Variants in SGCZ observed in about 807,000 individuals in gnomAD.
SGCZ encodes zeta-sarcoglycan.
Under a neutral mutation model 41.3 loss-of-function variants are expected in SGCZ, and 40 were observed. The observed-to-expected ratio is 0.97, with a 90% CI of 0.75 to 1.26. The LOEUF is 1.26. SGCZ is among the 50% of genes most tolerant of loss of function. The pLI, the probability that SGCZ is intolerant of heterozygous loss-of-function variation, is 0.00. For missense variants in SGCZ, 552 were observed against 369.8 expected, an observed-to-expected ratio of 1.49 and a Z score of -4.04; for synonymous variants, 206 against 137.5, an observed-to-expected ratio of 1.50 and a Z score of -3.49.
At chr8:15,067,253 C>T (rs1805187036) in intron 1 of SGCZ, among the ~76,000 whole-genome samples, 1 of 152,122 alleles carries the variant, frequency 6.6e-6, no homozygotes, top group African/African-American at 2.4e-5. Context: ...CACACTACAC[C>T]CACCCTGCAC....
intron 1 of SGCZ, among the ~76,000 whole-genome samples, chr8:15,063,985 T>C (rs17608964): frequency 0.085 from 12,909 of 152,182 alleles, 752 homozygotes; most frequent in East Asian, 0.29. Flanking sequence ...TCCGATATTT[T>C]ATTCTGGTAT....
intron 5 of SGCZ, among the ~76,000 whole-genome samples, chr8:14,152,543 A>C (rs113809039): frequency 0.016 from 2,398 of 152,304 alleles, 62 homozygotes; most frequent in African/African-American, 0.055. Context: ...TCATATGACA[A>C]CACCAGACTG....
chr8:14,629,776 A>G (rs1016821279), intron 1 of SGCZ, among the ~76,000 whole-genome samples: 2 of 152,150 alleles, frequency 1.3e-5, no homozygotes, highest in Non-Finnish European at 2.9e-5. Context: ...AACAATCTGG[A>G]AAATCATGTT....
intron 1 of SGCZ, among the ~76,000 whole-genome samples, chr8:15,103,650 T>C (rs1302143640): frequency 1.3e-5 from 2 of 152,014 alleles, no homozygotes; most frequent in South Asian, 2.1e-4. Flanking sequence ...GGACACAATC[T>C]TCATACTCAA....
At chr8:14,170,445 G>A (rs189634020) in intron 4 of SGCZ, among the ~76,000 whole-genome samples, 61 of 152,006 alleles carry the variant, frequency 4.0e-4, no homozygotes, top group Non-Finnish European at 1.5e-5. Context: ...AAGGAATTGT[G>A]TGACTACCTA....
intron 2 of SGCZ, among the ~76,000 whole-genome samples, chr8:14,518,787 A>G (rs539473479): frequency 6.6e-6 from 1 of 151,734 alleles, no homozygotes; most frequent in East Asian, 1.9e-4. Flanking sequence ...AGTCAGAGAA[A>G]CAGATAATAT....
At position 15,004,086 on chromosome 8, in the gene SGCZ, G is replaced by C. The variant is rs181583156; in HGVS notation, c.39+233499C>G. On this transcript the variant is annotated intron_variant, in intron 1 of 7. Coordinates refer to ENST00000382080, the MANE Select transcript of SGCZ (RefSeq NM_139167.4). ...TGCTACATGTGAACAGAGAGGAGGA[G>C]AAATACCTGTGCAGAAAGAAAGGCT... Among the ~76,000 whole-genome samples the C allele has an allele frequency of 4.2e-3, 636 of 152,154 alleles. 4 individuals carry two copies. Among genetic ancestry groups the C allele is most frequent in the Middle Eastern group, 6.8e-3 (2 of 294 alleles).
intron 1 of SGCZ, among the ~76,000 whole-genome samples, chr8:15,175,271 G>C (rs1799961388): frequency 6.6e-6 from 1 of 151,802 alleles, no homozygotes; most frequent in African/African-American, 2.4e-5. Context: ...GCAAAAACAT[G>C]GAATCAACCC....
chr8:14,631,542 A>G (rs183524098), intron 1 of SGCZ, among the ~76,000 whole-genome samples: 2 of 152,172 alleles, frequency 1.3e-5, no homozygotes, highest in South Asian at 2.1e-4. Flanking sequence ...CATGAATTTG[A>G]CCTGGCATAA....
intron 4 of SGCZ, among the ~76,000 whole-genome samples, chr8:14,235,647 G>T (rs574011259): frequency 1.3e-5 from 2 of 152,194 alleles, no homozygotes; most frequent in East Asian, 1.9e-4. Flanking sequence ...AGTAGCTATT[G>T]TGTCTGACAG....
chr8:14,868,440 C>G (rs780628319), intron 1 of SGCZ, among the ~76,000 whole-genome samples: 4 of 152,074 alleles, frequency 2.6e-5, no homozygotes, highest in Non-Finnish European at 2.9e-5. Context: ...CTACCCAATT[C>G]CATTATGAAA....
chr8:14,611,005 A>G (rs10103217), intron 1 of SGCZ, among the ~76,000 whole-genome samples: 26,277 of 152,190 alleles, frequency 0.17, 2,427 homozygotes, highest in Non-Finnish European at 0.21. Context: ...CTTGACTTAA[A>G]TTTATTTTTT....
rs1015290717 is a variant in SGCZ, at chr8:14,706,915, ATTC to A, written c.40-151992_40-151990del. On this transcript the variant is annotated intron_variant, in intron 1 of 7. Transcript: ENST00000382080. ...TTATAAATGTAAAATACAGCCAGAA[ATTC>A]TTATTATTTAGAAGAAAATTTTCAG... 3.1e-4 allele frequency among the ~76,000 whole-genome samples: 47 copies of A among 151,674 alleles called. No homozygotes were observed. In the Middle Eastern group the frequency reaches 0.01, roughly 34 times the overall value.
chr8:14,706,355 A>T (rs1469318464), intron 1 of SGCZ, among the ~76,000 whole-genome samples: 3 of 152,098 alleles, frequency 2.0e-5, no homozygotes, highest in Admixed American at 6.6e-5. Flanking sequence ...AATCTCTATG[A>T]TGTTTAGAAA....
At chr8:14,618,742 G>C (rs1012274577) in intron 1 of SGCZ, among the ~76,000 whole-genome samples, 1 of 152,122 alleles carries the variant, frequency 6.6e-6, no homozygotes, top group Non-Finnish European at 1.5e-5. Flanking sequence ...GGGTGCTCAT[G>C]AAGGGTAATA....
At chr8:14,633,596 G>A (rs1806730399) in intron 1 of SGCZ, among the ~76,000 whole-genome samples, 1 of 151,872 alleles carries the variant, frequency 6.6e-6, no homozygotes, top group Non-Finnish European at 1.5e-5. Flanking sequence ...TGGGTGTAGG[G>A]AAATCCACTG....
chr8:14,124,778 G>A (rs1802801684), intron 5 of SGCZ, among the ~76,000 whole-genome samples: 1 of 152,022 alleles, frequency 6.6e-6, no homozygotes, highest in Non-Finnish European at 1.5e-5. Context: ...AAATCTGCTT[G>A]AAATAACCTA....
intron 1 of SGCZ, among the ~76,000 whole-genome samples, chr8:15,043,392 T>G (rs1057176283): frequency 6.6e-6 from 1 of 152,126 alleles, no homozygotes; most frequent in African/African-American, 2.4e-5. Context: ...ATGGTATAAA[T>G]CTATGCTGGT....
chr8:15,097,440 G>A (rs1316109262), intron 1 of SGCZ, among the ~76,000 whole-genome samples: 1 of 151,726 alleles, frequency 6.6e-6, no homozygotes, highest in African/African-American at 2.4e-5. Context: ...ATTTATTGCT[G>A]AGTGTGAAAA....
Sources: allele counts gnomAD v4.1 joint callset (sites outside exome capture counted in the v4.1 genomes callset), GRCh38; gene constraint gnomAD v4.1.1; transcripts MANE v1.5; gene names NCBI Gene and HGNC (gene_info 2026-07-23, HGNC 2026-07-21).